Variants in LAMA3 observed in about 807,000 individuals in gnomAD.
The protein encoded by LAMA3 is laminin subunit alpha 3.
In LAMA3, 281 loss-of-function variants were observed where a neutral mutation model predicts 402.0. That is an observed-to-expected ratio of 0.70 (90% CI 0.63 to 0.77). LAMA3 has a LOEUF of 0.77. Ranked by LOEUF, LAMA3 falls within the 30% of genes least tolerant of loss-of-function variation. The pLI is 0.00. For missense variants in LAMA3, 3,840 were observed against 4,215.5 expected, an observed-to-expected ratio of 0.91 and a Z score of 2.47; for synonymous variants, 1,431 against 1,558.4, an observed-to-expected ratio of 0.92 and a Z score of 1.93.
intron 31 of LAMA3, 66 bp from the exon 32 acceptor site, chr18:23,847,398 G>A (rs2063840162): frequency 2.0e-6 from 3 of 1,531,006 alleles, no homozygotes. Context: ...CTGGCAGTTG[G>A]TGGAGTGCTG....
chr18:23,891,822 T>G (rs2080677836), intron 42 of LAMA3, among the ~76,000 whole-genome samples: 1 of 152,198 alleles, frequency 6.6e-6, no homozygotes, highest in African/African-American at 2.4e-5. Flanking sequence ...AGTTCCATTG[T>G]CTAAAGCCGG....
intron 19 of LAMA3, among the ~76,000 whole-genome samples, chr18:23,820,433 G>T (rs183901919): frequency 4.3e-4 from 65 of 152,224 alleles, no homozygotes; most frequent in African/African-American, 1.3e-3. Context: ...TTTGGCTGAT[G>T]CTTTTTTTAA....
intron 62 of LAMA3, among the ~76,000 whole-genome samples, 154 bp downstream of exon 62, chr18:23,921,739 A>T (rs1269601563): frequency 6.6e-6 from 1 of 152,246 alleles, no homozygotes; most frequent in Non-Finnish European, 1.5e-5. Flanking sequence ...AGAATAAAAC[A>T]GATTTAAATC....
chr18:23,860,144 A>T (rs1240635210), intron 34 of LAMA3, among the ~76,000 whole-genome samples: 1 of 151,504 alleles, frequency 6.6e-6, no homozygotes, highest in Non-Finnish European at 1.5e-5. Flanking sequence ...ATCTCTCATG[A>T]TGTCTTGTTA....
intron 21 of LAMA3, among the ~76,000 whole-genome samples, chr18:23,826,100 T>C (rs1302239011): frequency 6.6e-6 from 1 of 152,228 alleles, no homozygotes; most frequent in African/African-American, 2.4e-5. Context: ...GGCTAGGGGC[T>C]GTCAATCATT....
chr18:23,892,630 T>C lies in LAMA3; in HGVS notation c.5411-1668T>C, dbSNP rs528783343. 5.5e-4 allele frequency among the ~76,000 whole-genome samples: 84 copies of C among 152,142 alleles called. No individual in the cohort carries two copies. In the South Asian group the frequency reaches 9.8e-3, roughly 18 times the overall value. On this transcript the variant is annotated intron_variant, in intron 42 of 74. Coordinates refer to ENST00000313654, the MANE Select transcript of LAMA3 (RefSeq NM_198129.4). ...ACATATAAGAGCAAATGGCCGGGCA[T>C]GGTGGCTCATGCCTGTAATCCCAGC... is the stretch of plus-strand genomic sequence containing the variant.
chr18:23,784,644 T>C (rs1014665032), intron 12 of LAMA3, among the ~76,000 whole-genome samples: 5 of 152,156 alleles, frequency 3.3e-5, no homozygotes, highest in South Asian at 2.1e-4. Flanking sequence ...CACTTGTTTG[T>C]ATCCTAGTAT....
At chr18:23,808,388 T>C (rs928250384) in intron 12 of LAMA3, among the ~76,000 whole-genome samples, 5 of 152,230 alleles carry the variant, frequency 3.3e-5, no homozygotes. Flanking sequence ...TTTAGTTGTG[T>C]ATTTTTCTGA....
chr18:23,775,457 C>G (rs2062293734), intron 9 of LAMA3, among the ~76,000 whole-genome samples: 1 of 152,196 alleles, frequency 6.6e-6, no homozygotes, highest in Admixed American at 6.5e-5. Context: ...CCCAACAGAA[C>G]TAAGGCAAAT....
intron 35 of LAMA3, 45 bp downstream of exon 35, chr18:23,861,852 C>T: frequency 1.3e-6 from 2 of 1,556,614 alleles, no homozygotes; most frequent in South Asian, 1.2e-5. Flanking sequence ...TGGGCCTCTG[C>T]TATTGCTGCA....
intron 2 of LAMA3, among the ~76,000 whole-genome samples, chr18:23,724,348 A>C (rs542360129): frequency 1.8e-4 from 28 of 152,242 alleles, no homozygotes; most frequent in Non-Finnish European, 3.2e-4. Context: ...AGGGTTCTAT[A>C]GAAAGAGGAT....
chr18:23,916,701 C>A lies in LAMA3; in HGVS notation c.7923+6C>A, dbSNP rs1160353324. 3 of 1,613,836 alleles carry A rather than the reference C, an allele frequency of 1.9e-6. No individual in the cohort carries two copies. In the Admixed American group the frequency reaches 5.0e-5, roughly 27 times the overall value. On this transcript the variant is annotated splice_donor_region_variant and intron_variant, in intron 60 of 74. Transcript: ENST00000313654. Reference sequence around the variant, plus strand: ...TGTTCTTTGCAGAAAACGGGGTAATCTATAACAAGCATCCAGATACAACCA... The same window carrying A: ...TGTTCTTTGCAGAAAACGGGGTAATATATAACAAGCATCCAGATACAACCA...
At chr18:23,717,477 T>A (rs973774024) in intron 2 of LAMA3, among the ~76,000 whole-genome samples, 1 of 151,968 alleles carries the variant, frequency 6.6e-6, no homozygotes, top group Admixed American at 6.6e-5. Flanking sequence ...CTAGTTGGTG[T>A]TTTTCATTGT....
At position 23,785,238 on chromosome 18, in the gene LAMA3, A is replaced by T. The variant is rs115526100; in HGVS notation, c.1603+1081A>T. 1.2e-3 allele frequency among the ~76,000 whole-genome samples: 185 copies of T among 152,338 alleles called. 1 individual carries two copies. Among genetic ancestry groups the T allele is most frequent in the African/African-American group, 4.3e-3 (180 of 41,578 alleles). ...CTTCCAATTTGCAAACCCAATTGGC[A>T]TCCAGAGCCCTGCCCCAACAGAGTC... is the stretch of plus-strand genomic sequence containing the variant. On this transcript the variant is annotated intron_variant, in intron 12 of 74. Coordinates refer to ENST00000313654, the MANE Select transcript of LAMA3 (RefSeq NM_198129.4).
chr18:23,725,013 CTCTT>C (rs2145968326), intron 2 of LAMA3, among the ~76,000 whole-genome samples: 1 of 152,328 alleles, frequency 6.6e-6, no homozygotes, highest in Non-Finnish European at 1.5e-5. Flanking sequence ...TCCCCTCTCT[CTCTT>C]TTTCACTTTT....
chr18:23,914,356 G>C, intron 56 of LAMA3, 54 bp from the exon 57 acceptor site: 1 of 1,599,992 alleles, frequency 6.3e-7, no homozygotes, highest in Non-Finnish European at 8.6e-7. Context: ...CTCTTGGGAT[G>C]GGAATTTGAG....
chr18:23,755,557 C>G (rs1362462442), intron 6 of LAMA3, among the ~76,000 whole-genome samples: 1 of 152,150 alleles, frequency 6.6e-6, no homozygotes, highest in Non-Finnish European at 1.5e-5. Context: ...CCTGGACAAT[C>G]AGAAAAATTA....
At position 23,909,290 on chromosome 18, in the gene LAMA3, A is replaced by T; in HGVS notation, c.7153A>T (p.Ser2385Cys). ...ELIQQARDAA[S>C]KVAVPMRFNG... ...AATTCAGCAGGCCAGAGATGCTGCC[A>T]GTAAGGTGAGTGTGTCCCCACGTGG... Residue 2385 changes from serine to cysteine, a missense_variant, in exon 55 of 75, where the codon AGT becomes TGT. Transcript: ENST00000313654. The T allele has an allele frequency of 6.2e-7, 1 of 1,611,658 alleles. No homozygotes were observed. The highest frequency in any genetic ancestry group is 8.5e-7 in the Non-Finnish European group (1 of 1,179,948).
At chr18:23,793,075 A>G (rs1396313233) in intron 12 of LAMA3, among the ~76,000 whole-genome samples, 1 of 152,210 alleles carries the variant, frequency 6.6e-6, no homozygotes, top group African/African-American at 2.4e-5. Flanking sequence ...AACTGTAGAC[A>G]GAGCACTTCC....
Sources: allele counts gnomAD v4.1 joint callset (sites outside exome capture counted in the v4.1 genomes callset), GRCh38; gene constraint gnomAD v4.1.1; transcripts MANE v1.5; gene names NCBI Gene and HGNC (gene_info 2026-07-23, HGNC 2026-07-21).